PCDHA1: variants seen among roughly 807,000 people sequenced by gnomAD.
PCDHA1 encodes the protein protocadherin alpha 1.
A neutral mutation model predicts 61.3 loss-of-function variants in PCDHA1; 42 were observed. The observed-to-expected ratio is 0.69, with a 90% CI of 0.54 to 0.89. The LOEUF is 0.89. Among genes scored for constraint, PCDHA1 ranks in the 40% least tolerant of loss-of-function variants. The pLI, the probability that PCDHA1 is intolerant of heterozygous loss-of-function variation, is 0.00. For synonymous variants in PCDHA1, 610 were observed against 553.8 expected, an observed-to-expected ratio of 1.10 and a Z score of -1.43; for missense variants, 1,256 against 1,235.3, an observed-to-expected ratio of 1.02 and a Z score of -0.25.
At chr5:140,834,455 G>A (rs1554134225) in intron 1 of PCDHA1, 5 of 1,614,018 alleles carry the variant, frequency 3.1e-6, no homozygotes, top group Non-Finnish European at 4.2e-6. Context: ...TAGCAGCTTG[G>A]GAGGCAGGGA....
intron 1 of PCDHA1, chr5:140,868,996 G>T: frequency 6.6e-7 from 1 of 1,516,608 alleles, no homozygotes; most frequent in South Asian, 1.4e-5. Flanking sequence ...CACCGTTTAA[G>T]GATCCTTTGA....
intron 1 of PCDHA1, chr5:140,883,871 G>C: frequency 1.9e-6 from 3 of 1,613,242 alleles, no homozygotes; most frequent in Non-Finnish European, 2.5e-6. Context: ...GCAGTTCCAG[G>C]TGAGCGCGCG....
chr5:140,837,715 C>T (rs894661038), intron 1 of PCDHA1, among the ~76,000 whole-genome samples: 4 of 151,402 alleles, frequency 2.6e-5, no homozygotes, highest in Admixed American at 1.3e-4. Context: ...ACTCCATCAC[C>T]CAGGCTGCTG....
intron 1 of PCDHA1, chr5:140,968,417 G>T (rs1459159857): frequency 3.7e-6 from 6 of 1,614,036 alleles, no homozygotes; most frequent in Non-Finnish European, 5.1e-6. Flanking sequence ...GACTGTGGAG[G>T]CTCAGGACAA....
chr5:140,809,379 CG>C, intron 1 of PCDHA1: 1 of 1,614,006 alleles, frequency 6.2e-7, no homozygotes, highest in Admixed American at 1.7e-5. Flanking sequence ...ACCGAGGGCG[CG>C]TGCGCTCCGG....
chr5:140,878,537 C>G (rs1554170454), intron 1 of PCDHA1, among the ~76,000 whole-genome samples: 2 of 152,152 alleles, frequency 1.3e-5, no homozygotes, highest in African/African-American at 4.8e-5. Flanking sequence ...GTGGCTCAAA[C>G]CAGTTTCAGA....
At chr5:140,985,128 G>A (rs908196925) in intron 3 of PCDHA1, among the ~76,000 whole-genome samples, 3 of 152,056 alleles carry the variant, frequency 2.0e-5, no homozygotes, top group Admixed American at 6.6e-5. Flanking sequence ...TAGTAAAGAC[G>A]GGGTTTCACC....
intron 3 of PCDHA1, among the ~76,000 whole-genome samples, chr5:140,994,546 A>T (rs1168797848): frequency 6.6e-6 from 1 of 152,066 alleles, no homozygotes; most frequent in Non-Finnish European, 1.5e-5. Context: ...CTACAAAAAA[A>T]ATATAAAAAT....
intron 1 of PCDHA1, chr5:140,836,349 G>T (rs2150258385): frequency 6.2e-7 from 1 of 1,613,710 alleles, no homozygotes; most frequent in Non-Finnish European, 8.5e-7. Context: ...GGACCACGGG[G>T]AGCCCTCGCT....
intron 1 of PCDHA1, among the ~76,000 whole-genome samples, chr5:140,897,595 A>C (rs2066215346): frequency 6.6e-6 from 1 of 152,132 alleles, no homozygotes; most frequent in Admixed American, 6.5e-5. Context: ...TCATTGTTGG[A>C]CATTTGGGTT....
chr5:140,808,335 G>C (rs1554124486), intron 1 of PCDHA1: 1 of 1,614,236 alleles, frequency 6.2e-7, no homozygotes, highest in Non-Finnish European at 8.5e-7. Context: ...GGTGTCAATG[G>C]GCTGGTCACC....
In PCDHA1 at chr5:140,786,597, AGCATCCACCTGGAGTTGATC is replaced by A; in HGVS notation, c.310_329del (p.Ile104ArgfsTer17). 1 of 1,614,240 alleles carries A rather than the reference AGCATCCACCTGGAGTTGATC, an allele frequency of 6.2e-7. No homozygotes were observed. Among genetic ancestry groups the A allele is most frequent in the East Asian group, 2.2e-5 (1 of 44,884 alleles). The stretch of plus-strand genomic sequence containing the variant: ...GCTGTGCCAGTGGAGCGCGGAGTGC[AGCATCCACCTGGAGTTGATC>A]GCCGACAGGCCGCTGCAGGTTTTCC... On this transcript the variant is annotated frameshift_variant, in exon 1 of 4. Coordinates refer to ENST00000504120, the MANE Select transcript of PCDHA1 (RefSeq NM_018900.4). LOFTEE classifies it high-confidence loss of function.
At chr5:140,858,570 C>A (rs1212586718) in intron 1 of PCDHA1, 2 of 1,363,070 alleles carry the variant, frequency 1.5e-6, no homozygotes, top group Non-Finnish European at 1.0e-6. Flanking sequence ...TCTAGTGATA[C>A]CTTTGTAATA....
At chr5:140,928,074 C>T (rs781992001) in intron 1 of PCDHA1, 1 of 1,614,216 alleles carries the variant, frequency 6.2e-7, no homozygotes, top group Admixed American at 1.7e-5. Flanking sequence ...TTGACAACTA[C>T]TACAGCCTGC....
At chr5:140,857,747 T>A in intron 1 of PCDHA1, 1 of 1,597,058 alleles carries the variant, frequency 6.3e-7, no homozygotes, top group Non-Finnish European at 8.6e-7. Flanking sequence ...GCTGCTGGCG[T>A]CTCCCGCTGG....
chr5:140,836,758 G>C, intron 1 of PCDHA1: 1 of 1,572,510 alleles, frequency 6.4e-7, no homozygotes, highest in South Asian at 1.2e-5. Context: ...AAATAATCTT[G>C]TTTCCAACAA....
intron 1 of PCDHA1, among the ~76,000 whole-genome samples, chr5:140,839,341 G>T (rs1301082708): frequency 6.6e-6 from 1 of 150,686 alleles, no homozygotes; most frequent in African/African-American, 2.5e-5. Context: ...AGTTGATAGG[G>T]GATCCTCCTT....
In PCDHA1 at chr5:140,852,957, C is replaced by T. The variant is rs193082588; in HGVS notation, c.2394+64273C>T. The T allele has an allele frequency of 2.4e-3, 1,034 of 439,410 alleles. 42 individuals carry two copies. The highest frequency in any genetic ancestry group is 0.021 in the African/African-American group (968 of 46,052). 27.2% of individuals were successfully genotyped at this position (439,410 alleles called of 1,614,324 possible). On this transcript the variant is annotated intron_variant, in intron 1 of 3. Transcript: ENST00000504120. ...GCAGTGGTGCCATCTTGGCTCACTC[C>T]AAGCTCCCCCTCCCGTGTTCACGCC... is the stretch of plus-strand genomic sequence containing the variant.
intron 1 of PCDHA1, chr5:140,802,317 G>T (rs372206309): frequency 7.4e-6 from 12 of 1,614,206 alleles, no homozygotes; most frequent in Middle Eastern, 3.3e-4. Flanking sequence ...TCTGATCAGC[G>T]TGTCCGACCG....
Sources: allele counts gnomAD v4.1 joint callset (sites outside exome capture counted in the v4.1 genomes callset), GRCh38; gene constraint gnomAD v4.1.1; transcripts MANE v1.5; gene names NCBI Gene and HGNC (gene_info 2026-07-23, HGNC 2026-07-21).